The following EIPR1 variants were observed in gnomAD, a reference collection of about 807,000 sequenced individuals.
EIPR1 encodes the protein EARP and GARP complex-interacting protein 1.
A neutral mutation model predicts 48.1 loss-of-function variants in EIPR1; 25 were observed. That is an observed-to-expected ratio of 0.52 (90% CI 0.38 to 0.73). EIPR1 has a LOEUF of 0.73. Among genes scored for constraint, EIPR1 ranks in the 30% least tolerant of loss-of-function variants. The pLI is 0.00. For missense variants in EIPR1, 415 were observed against 506.2 expected, an observed-to-expected ratio of 0.82 and a Z score of 1.73; for synonymous variants, 204 against 201.9, an observed-to-expected ratio of 1.01 and a Z score of -0.09.
At chr2:3,264,233 C>T (rs1267767866) in intron 3 of EIPR1, among the ~76,000 whole-genome samples, 2 of 152,198 alleles carry the variant, frequency 1.3e-5, no homozygotes, top group African/African-American at 2.4e-5. Context: ...AGTGAGATTG[C>T]GTGGTGTCTG....
At chr2:3,201,119 C>G (rs1213025163) in intron 5 of EIPR1, among the ~76,000 whole-genome samples, 3 of 152,142 alleles carry the variant, frequency 2.0e-5, no homozygotes, top group Non-Finnish European at 4.4e-5. Flanking sequence ...TGAGCTGGGC[C>G]CCTCTCTCCA....
intron 1 of EIPR1, among the ~76,000 whole-genome samples, chr2:3,366,133 C>T (rs1670969721): frequency 6.6e-6 from 1 of 152,134 alleles, no homozygotes; most frequent in Non-Finnish European, 1.5e-5. Flanking sequence ...CATGGCAAAA[C>T]CCTGTCTCTA....
At chr2:3,207,390 C>T (rs933438893) in intron 5 of EIPR1, among the ~76,000 whole-genome samples, 13 of 152,214 alleles carry the variant, frequency 8.5e-5, no homozygotes, top group Non-Finnish European at 1.3e-4. Flanking sequence ...CGGCTCAGGT[C>T]GTCCTGTACT....
chr2:3,330,845 G>C lies in EIPR1; in HGVS notation c.259+7172C>G, dbSNP rs545611266. Among the ~76,000 whole-genome samples the C allele has an allele frequency of 3.8e-4, 57 of 150,872 alleles. No homozygotes were observed. The South Asian group carries it at 0.012, about 31-fold the overall frequency. ...GTGTACACTCGAGATGGTGTGAGCA[G>C]AGACAGGTGCACACACTCATGAGAC... is the stretch of plus-strand genomic sequence containing the variant. On this transcript the variant is annotated intron_variant, in intron 3 of 8. Transcript: ENST00000382125.
chr2:3,341,113 A>AC (rs1448246045), intron 2 of EIPR1, among the ~76,000 whole-genome samples: 6 of 148,438 alleles, frequency 4.0e-5, no homozygotes, highest in Non-Finnish European at 7.4e-5. Flanking sequence ...AAAAAAAAAA[A>AC]AAAAAAACAA....
At chr2:3,296,290 C>CA in intron 3 of EIPR1, among the ~76,000 whole-genome samples, 1 of 133,526 alleles carries the variant, frequency 7.5e-6, no homozygotes, top group African/African-American at 2.8e-5. Flanking sequence ...CACACAGACA[C>CA]CCTCCATCCA....
intron 1 of EIPR1, among the ~76,000 whole-genome samples, chr2:3,371,417 A>G (rs993423649): frequency 5.3e-5 from 8 of 152,232 alleles, no homozygotes; most frequent in African/African-American, 1.9e-4. Flanking sequence ...AAATGCTCCA[A>G]TTAAAAGACA....
intron 1 of EIPR1, among the ~76,000 whole-genome samples, chr2:3,370,525 A>C (rs1331936837): frequency 1.3e-5 from 2 of 152,160 alleles, no homozygotes; most frequent in Non-Finnish European, 2.9e-5. Flanking sequence ...AGAATAACCA[A>C]TACAGAGAAG....
chr2:3,223,134 C>T (rs927019861), intron 4 of EIPR1, among the ~76,000 whole-genome samples: 2 of 152,178 alleles, frequency 1.3e-5, no homozygotes, highest in African/African-American at 2.4e-5. Flanking sequence ...CAATAAAATG[C>T]GTAGTTTGCA....
At chr2:3,209,372 C>T (rs1342894815) in intron 5 of EIPR1, among the ~76,000 whole-genome samples, 2 of 152,196 alleles carry the variant, frequency 1.3e-5, no homozygotes, top group South Asian at 2.1e-4. Flanking sequence ...CCACGTACTC[C>T]AGACAAGCAG....
At chr2:3,211,828 G>A (rs940959402) in intron 5 of EIPR1, among the ~76,000 whole-genome samples, 17 of 152,318 alleles carry the variant, frequency 1.1e-4, no homozygotes, top group Admixed American at 5.9e-4. Context: ...ATTTCGTGGC[G>A]AGTGAAAGCT....
intron 5 of EIPR1, among the ~76,000 whole-genome samples, chr2:3,205,151 G>A (rs188039678): frequency 1.3e-5 from 2 of 152,322 alleles, no homozygotes; most frequent in African/African-American, 2.4e-5. Flanking sequence ...ACCCTGGGCT[G>A]CACGGCAAGC....
At chr2:3,263,125 C>T (rs1339411487) in intron 3 of EIPR1, among the ~76,000 whole-genome samples, 1 of 152,200 alleles carries the variant, frequency 6.6e-6, no homozygotes, top group Non-Finnish European at 1.5e-5. Context: ...TTGGCAGGCG[C>T]TGTCAGACGG....
chr2:3,261,988 G>A (rs1667348532), intron 3 of EIPR1: 1 of 152,148 alleles, frequency 6.6e-6, no homozygotes. Context: ...AAAGCTAATG[G>A]GCCCTGGAGA....
intron 2 of EIPR1, among the ~76,000 whole-genome samples, chr2:3,347,493 C>T (rs773682773): frequency 6.6e-5 from 10 of 152,304 alleles, no homozygotes; most frequent in Middle Eastern, 6.8e-3. Context: ...GTGACTTGCT[C>T]CTCCTTGCCT....
Position 3,194,167 on chromosome 2 carries a change from C to T in EIPR1, c.654-1G>A, listed in dbSNP as rs1664712753. 1 of 1,613,072 alleles carries T rather than the reference C, an allele frequency of 6.2e-7. No homozygotes were observed. The highest frequency in any genetic ancestry group is 1.7e-5 in the Admixed American group (1 of 59,998). ...GGCATTCTCTATGCAGTAGATCTGG[C>T]TGAGGGAGAAGGAAGAACAGCAAAG... On this transcript the variant is annotated splice_acceptor_variant, in intron 6 of 8. Transcript: ENST00000382125. LOFTEE classifies it high-confidence loss of function.
intron 3 of EIPR1, among the ~76,000 whole-genome samples, chr2:3,324,413 G>T (rs1484232282): frequency 6.6e-6 from 1 of 152,210 alleles, no homozygotes; most frequent in Non-Finnish European, 1.5e-5. Context: ...AGACAGTGTC[G>T]CTCCGTGTGC....
chr2:3,308,519 G>A (rs186097811), intron 3 of EIPR1, among the ~76,000 whole-genome samples: 118 of 152,194 alleles, frequency 7.8e-4, no homozygotes, highest in Non-Finnish European at 9.1e-4. Flanking sequence ...AAAAAAAAAT[G>A]AACAGCCTCA....
chr2:3,295,863 C>G (rs1668560652), intron 3 of EIPR1, among the ~76,000 whole-genome samples: 1 of 124,244 alleles, frequency 8.0e-6, no homozygotes, highest in African/African-American at 3.1e-5. Context: ...TCCAGCCCAT[C>G]CTCTCTCTGC....
Sources: gnomAD v4.1 joint callset for allele counts (sites outside exome capture counted in the v4.1 genomes callset) on GRCh38, gnomAD v4.1.1 for gene constraint, MANE v1.5 for transcripts, NCBI Gene and HGNC (gene_info 2026-07-23, HGNC 2026-07-21) for gene names.